RBL2: variants seen among roughly 807,000 people sequenced by gnomAD.
The protein encoded by RBL2 is retinoblastoma-like protein 2.
A neutral mutation model predicts 126.0 loss-of-function variants in RBL2; 56 were observed. The ratio of observed to expected loss-of-function variants is 0.44; its 90% CI spans 0.36 to 0.56. RBL2 has a LOEUF of 0.56. Among genes scored for constraint, RBL2 ranks in the 20% least tolerant of loss-of-function variants. The pLI is 0.00. For missense variants in RBL2, 1,229 were observed against 1,398.2 expected (o/e 0.88, Z 1.93); for synonymous variants, 454 against 478.5 (o/e 0.95, Z 0.67).
chr16:53,434,589 C>G lies in RBL2; in HGVS notation c.33C>G (p.Pro11=). 1 of 1,543,038 alleles carries G rather than the reference C, an allele frequency of 6.5e-7. No individual in the cohort carries two copies. The highest frequency in any genetic ancestry group is 1.2e-5 in the South Asian group (1 of 84,280). The change falls in exon 1 of 22, where the codon CCC becomes CCG. Residue 11 remains proline (P), a synonymous_variant. Coordinates refer to ENST00000262133, the MANE Select transcript of RBL2 (RefSeq NM_005611.4). ...CGGGAGGTGACCAGTCGCCACCGCC[C>G]CCGCCTCCCCCTCCGGCGGCGGCAG... MPSGGDQSPP[P]PPPPPAAAAS...
chr16:53,450,867 C>T (rs1475557942), intron 4 of RBL2, among the ~76,000 whole-genome samples: 1 of 151,858 alleles, frequency 6.6e-6, no homozygotes, highest in Non-Finnish European at 1.5e-5. Context: ...AGCATGAACT[C>T]AGGAGGCAGA....
At chr16:53,450,075 T>A (rs972821339) in intron 4 of RBL2, among the ~76,000 whole-genome samples, 1 of 152,104 alleles carries the variant, frequency 6.6e-6, no homozygotes, top group African/African-American at 2.4e-5. Flanking sequence ...CTTCCTTTTT[T>A]ACACATGAGG....
rs1221712901 is a variant in RBL2 at position 53,434,673 on chromosome 16, G to A, written c.117G>A (p.Glu39=). ...CGGAAGACGCCGCGCCGCCTGCCGAGTCGCCCACCCCTCAGATCCAGCAGC... is the reference window on the plus strand; with the variant it reads ...CGGAAGACGCCGCGCCGCCTGCCGAATCGCCCACCCCTCAGATCCAGCAGC... The part of the protein sequence containing the change: ...GEAEDAAPPA[E]SPTPQIQQRF... Residue 39 remains glutamate, a synonymous_variant, in exon 1 of 22, where the codon GAG becomes GAA. Coordinates refer to ENST00000262133, the MANE Select transcript of RBL2 (RefSeq NM_005611.4). 6.4e-7 allele frequency: 1 copy of A among 1,572,952 alleles called. No individual in the cohort carries two copies. Among genetic ancestry groups the A allele is most frequent in the Non-Finnish European group, 8.6e-7 (1 of 1,169,012 alleles).
At chr16:53,479,077 C>A in intron 17 of RBL2, 77 bp from the exon 18 acceptor site, 2 of 1,151,248 alleles carry the variant, frequency 1.7e-6, no homozygotes, top group South Asian at 1.3e-5. Flanking sequence ...TTTTACTGGG[C>A]AGCAGGTTCA....
chr16:53,446,269 C>G (rs748807874), intron 3 of RBL2, among the ~76,000 whole-genome samples: 5 of 152,168 alleles, frequency 3.3e-5, no homozygotes, highest in African/African-American at 4.8e-5. Context: ...GACTGGTGAA[C>G]TAAGTACAGT....
chr16:53,461,844 G>A lies in RBL2; in HGVS notation c.1450G>A (p.Ala484Thr). 1 of 1,608,786 alleles carries A rather than the reference G, an allele frequency of 6.2e-7. No homozygotes were observed. Among genetic ancestry groups the A allele is most frequent in the South Asian group, 1.1e-5 (1 of 90,928 alleles). ...GCCAGACGAGGATTTCAGTAATTGT[G>A]CTAAAGGTAAGGTTTAACATTGTTA... ...FQPDEDFSNCAKEIASKHFRF... is the reference protein window; with the variant it reads ...FQPDEDFSNCTKEIASKHFRF... The change falls in exon 10 of 22, where the codon GCT (alanine) becomes ACT (threonine). Residue 484 changes from alanine to threonine, a missense_variant. Physicochemically the swap from Ala to Thr is moderately conservative, Grantham distance 58. Around this residue, in one of 2 missense-constraint regions of RBL2, gnomAD observed 1,070 missense variants for 1,274.3 expected, o/e 0.84. Transcript: ENST00000262133.
chr16:53,478,836 G>A (rs1485724669), intron 17 of RBL2: 1 of 229,258 alleles, frequency 4.4e-6, no homozygotes, highest in African/African-American at 2.3e-5. Flanking sequence ...TGGCCAGGCT[G>A]GTCTTGAACT....
At chr16:53,476,044 G>A (rs188593324) in intron 17 of RBL2, among the ~76,000 whole-genome samples, 2 of 150,868 alleles carry the variant, frequency 1.3e-5, no homozygotes, top group South Asian at 2.1e-4. Context: ...GGCTGGTCTC[G>A]AACTCCTGAG....
intron 14 of RBL2, among the ~76,000 whole-genome samples, chr16:53,469,303 T>G (rs546067221): frequency 6.6e-6 from 1 of 152,362 alleles, no homozygotes; most frequent in East Asian, 1.9e-4. Context: ...AAATTTATGG[T>G]ATATAAACTG....
At position 53,462,793 on chromosome 16, in the gene RBL2, A is replaced by G. The variant is rs984013681; in HGVS notation, c.1560+138A>G. ...GTTTTTAATTTTGATGAAATCCAAT[A>G]TATTTTTTCACTAGTTGCCTGTGCT... On this transcript the variant is annotated intron_variant, in intron 11 of 21. Transcript: ENST00000262133. The G allele has an allele frequency of 1.5e-5, 9 of 589,180 alleles. No individual in the cohort carries two copies. The African/African-American group carries it at 1.6e-4, about 11-fold the overall frequency. 36.5% of individuals were successfully genotyped at this position (589,180 alleles called of 1,614,324 possible).
chr16:53,454,675 T>C lies in RBL2; in HGVS notation c.1012T>C (p.Tyr338His). ...GESFKAINKA[Y>H]EEYVLSVGNL... The stretch of plus-strand genomic sequence containing the variant: ...CTATAGTAAAGCCATCAATAAGGCC[T>C]ATGAGGAGTATGTTTTATCTGTTGG... The change falls in exon 8 of 22, where the codon TAT becomes CAT. Residue 338 changes from tyrosine to histidine, a missense_variant. Tyr to His is a moderately conservative substitution (Grantham distance 83). Around this residue, in one of 2 missense-constraint regions of RBL2, gnomAD observed 1,070 missense variants for 1,274.3 expected, o/e 0.84. Transcript: ENST00000262133. The C allele has an allele frequency of 6.2e-7, 1 of 1,613,482 alleles. No homozygotes were observed. Among genetic ancestry groups the C allele is most frequent in the South Asian group, 1.1e-5 (1 of 91,058 alleles).
In RBL2 at chr16:53,470,736, T is replaced by C. The variant is rs954314865; in HGVS notation, c.2527-10T>C. Reference sequence around the variant, plus strand: ...TGTTAAACAAAGTTTGAAATGTTTTTATCTCCTAGGTATACCATTTAGCAG... The same window carrying C: ...TGTTAAACAAAGTTTGAAATGTTTTCATCTCCTAGGTATACCATTTAGCAG... On this transcript the variant is annotated splice_polypyrimidine_tract_variant and intron_variant, in intron 16 of 21. Transcript: ENST00000262133. 1.9e-6 allele frequency: 3 copies of C among 1,612,888 alleles called. No individual in the cohort carries two copies. The highest frequency in any genetic ancestry group is 1.3e-5 in the African/African-American group (1 of 74,908).
At chr16:53,456,762 G>C (rs181536598) in intron 8 of RBL2, among the ~76,000 whole-genome samples, 3 of 152,278 alleles carry the variant, frequency 2.0e-5, no homozygotes, top group Non-Finnish European at 4.4e-5. Context: ...TGCTTCAAGA[G>C]ACTCATGTGG....
At chr16:53,438,118 A>G (rs538621427) in intron 1 of RBL2, among the ~76,000 whole-genome samples, 1 of 152,332 alleles carries the variant, frequency 6.6e-6, no homozygotes, top group East Asian at 1.9e-4. Flanking sequence ...AGGGGCAGAA[A>G]GCAATTTGTT....
At chr16:53,476,569 T>C (rs1351030519) in intron 17 of RBL2, among the ~76,000 whole-genome samples, 3 of 152,228 alleles carry the variant, frequency 2.0e-5, no homozygotes, top group Non-Finnish European at 4.4e-5. Context: ...CTCTCCATTC[T>C]TGAAAGTGAG....
chr16:53,480,599 A>G lies in RBL2; in HGVS notation c.2914A>G (p.Ser972Gly), dbSNP rs557055806. Residue 972 changes from serine (S) to glycine (G), a missense_variant, in exon 20 of 22, where the codon AGC (serine) becomes GGC (glycine). Physicochemically the swap from Ser to Gly is moderately conservative, Grantham distance 56. Around this residue, in one of 2 missense-constraint regions of RBL2, gnomAD observed 1,070 missense variants for 1,274.3 expected, o/e 0.84. Coordinates refer to ENST00000262133, the MANE Select transcript of RBL2 (RefSeq NM_005611.4). ...SRDSSPVMRS[S>G]STLPVPQPSS... is the part of the protein sequence containing the mutation. ...AGACTCCAGTCCAGTTATGAGGTCAAGCAGCACCTTGCCAGTTCCACAGCC... is the reference window on the plus strand; with the variant it reads ...AGACTCCAGTCCAGTTATGAGGTCAGGCAGCACCTTGCCAGTTCCACAGCC... 3 of 1,614,030 alleles carry G rather than the reference A, an allele frequency of 1.9e-6. No homozygotes were observed. Among genetic ancestry groups the G allele is most frequent in the East Asian group, 2.2e-5 (1 of 44,858 alleles).
chr16:53,487,879 ACCCAT>A (rs1270985483), intron 21 of RBL2: 1 of 152,224 alleles, frequency 6.6e-6, no homozygotes, highest in East Asian at 1.9e-4. Context: ...AACACACTTC[ACCCAT>A]TACATGCCTG....
chr16:53,439,335 ACTT>A (rs2057991945), intron 2 of RBL2, among the ~76,000 whole-genome samples, 189 bp downstream of exon 2: 1 of 152,158 alleles, frequency 6.6e-6, no homozygotes, highest in Non-Finnish European at 1.5e-5. Flanking sequence ...ATTATATTTT[ACTT>A]CTTTGGTGAA....
intron 4 of RBL2, among the ~76,000 whole-genome samples, chr16:53,450,670 A>T (rs1452616242): frequency 6.6e-6 from 1 of 152,116 alleles, no homozygotes; most frequent in Admixed American, 6.5e-5. Context: ...TAGGTTTTTG[A>T]TTTCTTATTT....
Sources: gnomAD v4.1 joint callset for allele counts (sites outside exome capture counted in the v4.1 genomes callset) on GRCh38, gnomAD v4.1.1 for gene constraint, gnomAD v4.1.1 regional missense constraint, MANE v1.5 for transcripts, NCBI Gene and HGNC (gene_info 2026-07-23, HGNC 2026-07-21) for gene names.